CTNND2: variants seen among roughly 807,000 people sequenced by gnomAD.
CTNND2 encodes the protein catenin delta-2.
A neutral mutation model predicts 144.4 loss-of-function variants in CTNND2; 22 were observed. That is an observed-to-expected ratio of 0.15 (90% CI 0.11 to 0.22). CTNND2 has a LOEUF of 0.22. Ranked by LOEUF, CTNND2 falls within the 10% of genes least tolerant of loss-of-function variation. The pLI is 1.00. For synonymous variants in CTNND2, 751 were observed against 695.6 expected (o/e 1.08, Z -1.25); for missense variants, 1,353 against 1,618.8 (o/e 0.84, Z 2.82).
intron 14 of CTNND2, among the ~76,000 whole-genome samples, chr5:11,109,930 A>G (rs1752789694): frequency 6.6e-6 from 1 of 152,210 alleles, no homozygotes; most frequent in Non-Finnish European, 1.5e-5. Context: ...TTGTATCTGT[A>G]TCATCTATAC....
At chr5:11,641,890 A>C (rs1782082642) in intron 2 of CTNND2, among the ~76,000 whole-genome samples, 1 of 151,798 alleles carries the variant, frequency 6.6e-6, no homozygotes, top group Non-Finnish European at 1.5e-5. Context: ...AAGGTTATTA[A>C]AAGGATTCTT....
intron 12 of CTNND2, among the ~76,000 whole-genome samples, chr5:11,121,440 A>G (rs1754127263): frequency 1.3e-5 from 2 of 152,220 alleles, no homozygotes; most frequent in Non-Finnish European, 2.9e-5. Context: ...TATTTGTTAG[A>G]AGCACAAAAA....
At position 11,817,679 on chromosome 5, in the gene CTNND2, T is replaced by G. The variant is rs149275006; in HGVS notation, c.38-85407A>C. Reference sequence around the variant, plus strand: ...CTGTTAAAATCAGACTGTTTTTATATGTGGAAGGGCATCTCCACGCTCTGT... The same window carrying G: ...CTGTTAAAATCAGACTGTTTTTATAGGTGGAAGGGCATCTCCACGCTCTGT... On this transcript the variant is annotated intron_variant, in intron 1 of 21. Transcript: ENST00000304623. Among the ~76,000 whole-genome samples, 617 of 152,228 alleles carry G rather than the reference T, an allele frequency of 4.1e-3. 5 individuals are homozygous for G. The highest frequency in any genetic ancestry group is 0.014 in the African/African-American group (579 of 41,542).
intron 1 of CTNND2, among the ~76,000 whole-genome samples, chr5:11,744,974 G>A (rs1474837337): frequency 2.0e-5 from 3 of 151,958 alleles, no homozygotes; most frequent in East Asian, 3.9e-4. Context: ...GAGCTCAGGC[G>A]ATCCACCCAC....
intron 16 of CTNND2, among the ~76,000 whole-genome samples, chr5:11,079,636 C>T (rs1218712083): frequency 6.6e-6 from 1 of 152,204 alleles, no homozygotes; most frequent in East Asian, 1.9e-4. Context: ...TCCCAGTTCC[C>T]TCTCCAGGGC....
chr5:11,902,941 G>A (rs1738027986), intron 1 of CTNND2: 1 of 153,068 alleles, frequency 6.5e-6, no homozygotes, highest in African/African-American at 2.4e-5. Flanking sequence ...AAATTCCCAA[G>A]TCTGTTTTCC....
intron 18 of CTNND2, among the ~76,000 whole-genome samples, chr5:10,996,544 A>T (rs1186906310): frequency 6.6e-6 from 1 of 152,114 alleles, no homozygotes; most frequent in East Asian, 1.9e-4. Context: ...CTCAGGGCCG[A>T]CAGGAGATGA....
chr5:11,510,407 C>T (rs1278736363), intron 3 of CTNND2, among the ~76,000 whole-genome samples: 1 of 152,174 alleles, frequency 6.6e-6, no homozygotes, highest in East Asian at 1.9e-4. Flanking sequence ...AACAAGATTC[C>T]TTATTTCTAC....
intron 9 of CTNND2, among the ~76,000 whole-genome samples, chr5:11,336,242 G>A (rs994796288): frequency 6.6e-6 from 1 of 152,004 alleles, no homozygotes; most frequent in Non-Finnish European, 1.5e-5. Flanking sequence ...CCAATTCTTT[G>A]TTCAACATGC....
At chr5:11,013,915 T>A (rs575867254) in intron 18 of CTNND2, among the ~76,000 whole-genome samples, 1 of 152,138 alleles carries the variant, frequency 6.6e-6, no homozygotes, top group African/African-American at 2.4e-5. Flanking sequence ...TCTCACCCTA[T>A]GGGCTGGAAT....
intron 11 of CTNND2, 80 bp from the exon 12 acceptor site, chr5:11,159,839 A>G (rs1222358299): frequency 1.7e-6 from 2 of 1,158,398 alleles, no homozygotes; most frequent in Non-Finnish European, 2.4e-6. Context: ...TATTTGAGTT[A>G]ACGGAACTGG....
chr5:11,233,716 C>CTGTGTGTGTGTGTGTGTG (rs3033106), intron 10 of CTNND2, among the ~76,000 whole-genome samples: 8 of 148,236 alleles, frequency 5.4e-5, no homozygotes, highest in African/African-American at 1.7e-4. Flanking sequence ...GTTTACGTGT[C>CTGTGTGTGTGTGTGTGTG]TGTGTGTGTG....
At chr5:11,694,075 T>C (rs558332384) in intron 2 of CTNND2, among the ~76,000 whole-genome samples, 4 of 152,284 alleles carry the variant, frequency 2.6e-5, no homozygotes, top group African/African-American at 9.6e-5. Context: ...CTTGCACTTA[T>C]AAACATTAGA....
intron 9 of CTNND2, among the ~76,000 whole-genome samples, chr5:11,300,134 C>T (rs1749434720): frequency 6.6e-6 from 1 of 152,180 alleles, no homozygotes; most frequent in African/African-American, 2.4e-5. Flanking sequence ...ATGACACCAT[C>T]AATCCTGTGG....
In CTNND2 at chr5:11,537,971, A is replaced by G. The variant is rs188578035; in HGVS notation, c.287+26973T>C. On this transcript the variant is annotated intron_variant, in intron 3 of 21. Transcript: ENST00000304623. ...CTTTATTCACCTACGCTGTTACTAG[A>G]ATATTCTGAAGCAGCATGAGAGCTT... is the stretch of plus-strand genomic sequence containing the variant. Among the ~76,000 whole-genome samples the G allele has an allele frequency of 1.3e-3, 200 of 152,334 alleles. 1 individual carries two copies. Among genetic ancestry groups the G allele is most frequent in the African/African-American group, 4.7e-3 (196 of 41,572 alleles).
rs184402749 is a variant in CTNND2 at position 11,303,917 on chromosome 5, C to T, written c.1628+42455G>A. On this transcript the variant is annotated intron_variant, in intron 9 of 21. Coordinates refer to ENST00000304623, the MANE Select transcript of CTNND2 (RefSeq NM_001332.4). ...ACTGAATCATGGGGGCGGTTTCCCC[C>T]ATACTGTTCTCATGATAGTGAATAA... Among the ~76,000 whole-genome samples, 563 of 152,168 alleles carry T rather than the reference C, an allele frequency of 3.7e-3. 17 individuals carry two copies. Among genetic ancestry groups the T allele is most frequent in the Admixed American group, 0.032 (484 of 15,286 alleles).
At chr5:11,527,216 A>G (rs1431157917) in intron 3 of CTNND2, among the ~76,000 whole-genome samples, 1 of 152,224 alleles carries the variant, frequency 6.6e-6, no homozygotes, top group African/African-American at 2.4e-5. Context: ...TTAAAATGGT[A>G]AATGTTATGT....
At chr5:11,544,521 C>G (rs1458863138) in intron 3 of CTNND2, among the ~76,000 whole-genome samples, 1 of 152,222 alleles carries the variant, frequency 6.6e-6, no homozygotes, top group Admixed American at 6.5e-5. Flanking sequence ...ATAGCAACAA[C>G]TATAAACAAT....
At chr5:11,617,985 G>T (rs1780658083) in intron 2 of CTNND2, among the ~76,000 whole-genome samples, 1 of 152,134 alleles carries the variant, frequency 6.6e-6, no homozygotes, top group South Asian at 2.1e-4. Context: ...TCCTTCAAGG[G>T]CTGCTAAAAG....
Sources: gnomAD v4.1 joint callset for allele counts (sites outside exome capture counted in the v4.1 genomes callset) on GRCh38, gnomAD v4.1.1 for gene constraint, MANE v1.5 for transcripts, NCBI Gene and HGNC (gene_info 2026-07-23, HGNC 2026-07-21) for gene names.